Variants in RASSF3 observed in about 807,000 individuals in gnomAD.
The protein encoded by RASSF3 is Ras association domain family member 3.
A neutral mutation model predicts 19.9 loss-of-function variants in RASSF3; 19 were observed. The observed-to-expected ratio is 0.96, with a 90% CI of 0.67 to 1.40. The LOEUF (loss-of-function observed/expected upper bound fraction) is 1.40, where lower values mean the gene tolerates loss of function less well. RASSF3 is among the 40% of genes most tolerant of loss of function. The pLI is 0.00. For synonymous variants in RASSF3, 110 were observed against 104.2 expected, an observed-to-expected ratio of 1.06 and a Z score of -0.34; for missense variants, 306 against 289.8, an observed-to-expected ratio of 1.06 and a Z score of -0.41.
intron 2 of RASSF3, among the ~76,000 whole-genome samples, chr12:64,603,528 C>T (rs1458778512): frequency 6.6e-6 from 1 of 152,138 alleles, no homozygotes; most frequent in African/African-American, 2.4e-5. Context: ...GCTTTTCTCC[C>T]CCACCTTGTC....
chr12:64,639,638 TATC>T (rs1871441903), intron 1 of RASSF3, among the ~76,000 whole-genome samples: 2 of 152,192 alleles, frequency 1.3e-5, no homozygotes, highest in Non-Finnish European at 2.9e-5. Context: ...TCTGTTCTCT[TATC>T]ATATTCTTCC....
intron 2 of RASSF3, among the ~76,000 whole-genome samples, chr12:64,560,360 C>G (rs368293054): frequency 6.6e-6 from 1 of 152,194 alleles, no homozygotes; most frequent in Non-Finnish European, 1.5e-5. Flanking sequence ...CAAACAGGTT[C>G]TCTAGCTCTC....
At chr12:64,586,689 G>A (rs1869809382) in intron 2 of RASSF3, among the ~76,000 whole-genome samples, 1 of 151,882 alleles carries the variant, frequency 6.6e-6, no homozygotes. Context: ...TTGGGAGGCC[G>A]AGGCAGGCAG....
chr12:64,599,921 C>A (rs557828927), intron 2 of RASSF3, among the ~76,000 whole-genome samples: 4 of 151,286 alleles, frequency 2.6e-5, no homozygotes, highest in South Asian at 2.1e-4. Context: ...AGTCCCAGCT[C>A]CTCGGGAGGC....
rs1012680554 is a variant in RASSF3, at chr12:64,550,560, G to A, written c.294+8855G>A. 3.9e-5 allele frequency among the ~76,000 whole-genome samples: 6 copies of A among 151,972 alleles called. No individual in the cohort carries two copies. In the South Asian group the frequency reaches 6.2e-4, roughly 16 times the overall value. ...CACACCTGTAATCCCAGAGGCTGAC[G>A]TAGGAGATTCGCTTGAACCCGGGAG... On this transcript the variant is annotated intron_variant, in intron 2 of 5. Coordinates refer to the RASSF3 transcript ENST00000637125.
intron 2 of RASSF3, among the ~76,000 whole-genome samples, chr12:64,547,400 C>G (rs1415484742): frequency 6.6e-6 from 1 of 151,952 alleles, no homozygotes; most frequent in African/African-American, 2.4e-5. Context: ...ACCCCCATCT[C>G]TACTAAAAAT....
chr12:64,614,911 C>G (rs139302094), intron 1 of RASSF3, among the ~76,000 whole-genome samples: 6,233 of 151,890 alleles, frequency 0.041, 157 homozygotes, highest in Non-Finnish European at 0.065. Flanking sequence ...GTTGGCCAGG[C>G]TGGTCTTGAA....
chr12:64,590,079 A>T (rs1227233433), intron 2 of RASSF3, among the ~76,000 whole-genome samples: 2 of 149,728 alleles, frequency 1.3e-5, no homozygotes, highest in Admixed American at 6.8e-5. Context: ...AAAAAAAAAA[A>T]AAATTAAATT....
At chr12:64,654,032 A>G (rs1190508000) in intron 1 of RASSF3, 1 of 152,268 alleles carries the variant, frequency 6.6e-6, no homozygotes, top group East Asian at 1.9e-4. Flanking sequence ...ATGTTGCTTC[A>G]GTGTCAGTTT....
At chr12:64,587,854 T>C (rs1337719737) in intron 2 of RASSF3, among the ~76,000 whole-genome samples, 1 of 152,208 alleles carries the variant, frequency 6.6e-6, no homozygotes, top group Non-Finnish European at 1.5e-5. Context: ...ACACAGACAA[T>C]GATATCTCAA....
chr12:64,555,832 A>T (rs1248850889), intron 2 of RASSF3, among the ~76,000 whole-genome samples: 1 of 151,964 alleles, frequency 6.6e-6, no homozygotes, highest in Non-Finnish European at 1.5e-5. Flanking sequence ...AGGTAGGAGG[A>T]TCACTTGAAG....
intron 2 of RASSF3, among the ~76,000 whole-genome samples, chr12:64,580,715 T>G (rs1869680774): frequency 6.6e-6 from 1 of 152,100 alleles, no homozygotes. Context: ...CTTCCTTGAC[T>G]CTTCACCTGC....
At chr12:64,542,348 A>G (rs1304571106), downstream of RASSF3, among the ~76,000 whole-genome samples, 1 of 152,134 alleles carries the variant, frequency 6.6e-6, no homozygotes. Flanking sequence ...ACAAAACAAA[A>G]GAACCTGAGC....
At chr12:64,550,649 C>T (rs937794991) in intron 2 of RASSF3, among the ~76,000 whole-genome samples, 7 of 151,280 alleles carry the variant, frequency 4.6e-5, no homozygotes, top group African/African-American at 9.7e-5. Context: ...AGCAAGACTC[C>T]GTCTCCAAAA....
downstream of RASSF3, among the ~76,000 whole-genome samples, chr12:64,542,254 A>G (rs530033000): frequency 6.6e-6 from 1 of 152,292 alleles, no homozygotes; most frequent in East Asian, 1.9e-4. Flanking sequence ...CATAAGCCCC[A>G]GAGGTGGAGG....
chr12:64,630,720 A>G (rs1871143913), intron 1 of RASSF3, among the ~76,000 whole-genome samples: 1 of 152,106 alleles, frequency 6.6e-6, no homozygotes, highest in Non-Finnish European at 1.5e-5. Context: ...GATACTGGTT[A>G]ATTGGGAGGC....
intron 1 of RASSF3, among the ~76,000 whole-genome samples, chr12:64,616,676 A>G (rs1174629424): frequency 6.6e-6 from 1 of 152,240 alleles, no homozygotes; most frequent in Admixed American, 6.5e-5. Flanking sequence ...AGTCTTGGCT[A>G]ACTTAGCCTC....
intron 1 of RASSF3, among the ~76,000 whole-genome samples, chr12:64,618,596 G>T (rs557546914): frequency 6.6e-6 from 1 of 152,176 alleles, no homozygotes; most frequent in East Asian, 1.9e-4. Flanking sequence ...CAAAGTGCTG[G>T]GATTACAGGC....
chr12:64,636,272 G>A (rs1162146609), intron 1 of RASSF3, among the ~76,000 whole-genome samples: 1 of 151,908 alleles, frequency 6.6e-6, no homozygotes, highest in African/African-American at 2.4e-5. Flanking sequence ...GCACCACCAC[G>A]CCTGGCTAAT....
Sources: allele counts gnomAD v4.1 joint callset (sites outside exome capture counted in the v4.1 genomes callset), GRCh38; gene constraint gnomAD v4.1.1; transcripts MANE v1.5; gene names NCBI Gene and HGNC (gene_info 2026-07-23, HGNC 2026-07-21).